NCALD: variants seen among roughly 807,000 people sequenced by gnomAD.
NCALD encodes neurocalcin delta.
Under a neutral mutation model 18.6 loss-of-function variants are expected in NCALD, and 10 were observed. The ratio of observed to expected loss-of-function variants is 0.54; its 90% CI spans 0.33 to 0.91. NCALD has a LOEUF of 0.91. NCALD is among the 40% of genes least tolerant of loss of function. NCALD has a pLI of 0.03. For synonymous variants in NCALD, 88 were observed against 87.4 expected (o/e 1.01, Z -0.04); for missense variants, 184 against 247.6 (o/e 0.74, Z 1.72).
intron 1 of NCALD, among the ~76,000 whole-genome samples, chr8:102,116,367 G>A (rs1260691504): frequency 2.0e-5 from 3 of 152,200 alleles, no homozygotes; most frequent in Non-Finnish European, 4.4e-5. Context: ...CAGAGTCAGA[G>A]AATCCATAGT....
At chr8:101,932,435 A>G (rs1233857692) in intron 2 of NCALD, among the ~76,000 whole-genome samples, 1 of 152,196 alleles carries the variant, frequency 6.6e-6, no homozygotes, top group Non-Finnish European at 1.5e-5. Context: ...AAACTAAGCC[A>G]TCTCCCAATA....
intron 4 of NCALD, among the ~76,000 whole-genome samples, chr8:101,873,953 A>T (rs1481960848): frequency 6.6e-6 from 1 of 152,222 alleles, no homozygotes; most frequent in Non-Finnish European, 1.5e-5. Flanking sequence ...TTCAGTGTGG[A>T]GGCTAAAGCC....
At chr8:101,719,784 G>C (rs915145691) in intron 1 of NCALD, 136 bp from the exon 2 acceptor site, 1 of 778,514 alleles carries the variant, frequency 1.3e-6, no homozygotes, top group Non-Finnish European at 1.9e-6. Context: ...ACACTGTCTA[G>C]GTTTTGCAAC....
rs1430096555 is a variant in NCALD at position 102,060,125 on chromosome 8, CAT to C, written c.-209-39838_-209-39837del. Among the ~76,000 whole-genome samples, 131 of 152,264 alleles carry C rather than the reference CAT, an allele frequency of 8.6e-4. No homozygotes were observed. The South Asian group carries it at 0.016, about 19-fold the overall frequency. ...CCTCCCGAGTAGCTGGAACTACAGG[CAT>C]GTGCCACCATGCCTGGCTAATTTTT... is the stretch of plus-strand genomic sequence containing the variant. On this transcript the variant is annotated intron_variant, in intron 1 of 6. Transcript: ENST00000311028.
chr8:102,101,416 G>A (rs1414199697), intron 1 of NCALD, among the ~76,000 whole-genome samples: 7 of 152,224 alleles, frequency 4.6e-5, no homozygotes, highest in African/African-American at 1.7e-4. Context: ...ACCTGGTTTA[G>A]TGGTGAATTA....
chr8:102,051,557 T>C (rs943843885), intron 1 of NCALD, among the ~76,000 whole-genome samples: 1 of 152,354 alleles, frequency 6.6e-6, no homozygotes, highest in Non-Finnish European at 1.5e-5. Context: ...TGCACAATAA[T>C]TCTTTTCTTT....
Position 101,951,091 on chromosome 8 carries a change from G to A in NCALD, c.-156-35233C>T, listed in dbSNP as rs374311571. On this transcript the variant is annotated intron_variant, in intron 2 of 6. Transcript: ENST00000311028. ...CACGTCTCAGCCAGCCCTCCTTCTGGGAGAATCATTTCCAATGTTGGTCTT... is the reference window on the plus strand; with the variant it reads ...CACGTCTCAGCCAGCCCTCCTTCTGAGAGAATCATTTCCAATGTTGGTCTT... Among the ~76,000 whole-genome samples, 12 of 152,238 alleles carry A rather than the reference G, an allele frequency of 7.9e-5. No homozygotes were observed. In the East Asian group the frequency reaches 1.9e-3, roughly 24 times the overall value.
At chr8:102,099,082 T>G (rs903529910) in intron 1 of NCALD, among the ~76,000 whole-genome samples, 1 of 152,206 alleles carries the variant, frequency 6.6e-6, no homozygotes, top group African/African-American at 2.4e-5. Context: ...GTAGAAAGTG[T>G]GAGAAAGACA....
chr8:101,838,769 A>G (rs1053104570), intron 4 of NCALD, among the ~76,000 whole-genome samples: 2 of 152,222 alleles, frequency 1.3e-5, no homozygotes, highest in African/African-American at 2.4e-5. Context: ...TTAAAGTTGC[A>G]TTGGTTGACA....
intron 2 of NCALD, among the ~76,000 whole-genome samples, chr8:102,014,927 T>A (rs1157819174): frequency 6.6e-6 from 1 of 152,140 alleles, no homozygotes; most frequent in Non-Finnish European, 1.5e-5. Context: ...GACCTGTGAT[T>A]CTCCATTTCT....
chr8:101,720,632 G>T (rs948903227), intron 1 of NCALD, among the ~76,000 whole-genome samples: 1 of 152,034 alleles, frequency 6.6e-6, no homozygotes, highest in African/African-American at 2.4e-5. Context: ...TACTAGGTGG[G>T]GAAATACCTG....
chr8:102,085,332 G>A (rs765385669), intron 1 of NCALD, among the ~76,000 whole-genome samples: 13 of 152,204 alleles, frequency 8.5e-5, no homozygotes, highest in Non-Finnish European at 1.8e-4. Context: ...CCACATCTGG[G>A]AGTTCCCAGT....
chr8:102,027,873 A>G (rs1477102363), intron 1 of NCALD, among the ~76,000 whole-genome samples: 1 of 152,196 alleles, frequency 6.6e-6, no homozygotes, highest in African/African-American at 2.4e-5. Flanking sequence ...AAAAGGTGGG[A>G]AAAGCCCCTG....
chr8:101,742,073 G>A (rs549105723), intron 1 of NCALD, among the ~76,000 whole-genome samples: 106 of 147,126 alleles, frequency 7.2e-4, no homozygotes, highest in Non-Finnish European at 1.4e-3. Flanking sequence ...CCAACATAGC[G>A]AAACTCTGTC....
chr8:102,115,655 G>A (rs796153652), intron 1 of NCALD, among the ~76,000 whole-genome samples: 29 of 152,156 alleles, frequency 1.9e-4, no homozygotes, highest in African/African-American at 6.5e-4. Context: ...AAAGACGTGC[G>A]GATGGGTCAA....
At chr8:101,722,110 T>A (rs1586304856) in intron 1 of NCALD, among the ~76,000 whole-genome samples, 1 of 152,198 alleles carries the variant, frequency 6.6e-6, no homozygotes, top group South Asian at 2.1e-4. Flanking sequence ...ATTGCAGGCA[T>A]GAGCCACCAC....
chr8:101,790,094 T>G (rs1812390942), intron 1 of NCALD, among the ~76,000 whole-genome samples: 2 of 152,186 alleles, frequency 1.3e-5, no homozygotes, highest in Non-Finnish European at 2.9e-5. Flanking sequence ...ATTATGACGA[T>G]TTTTAAAAAT....
intron 1 of NCALD, among the ~76,000 whole-genome samples, chr8:102,050,868 AT>A (rs968695977): frequency 5.4e-4 from 79 of 145,610 alleles, no homozygotes; most frequent in African/African-American, 1.8e-3. Context: ...AATTTAATTA[AT>A]TTTTAATTTA....
chr8:102,106,004 T>A (rs1825433435), intron 1 of NCALD, among the ~76,000 whole-genome samples: 1 of 151,958 alleles, frequency 6.6e-6, no homozygotes, highest in Admixed American at 6.6e-5. Flanking sequence ...TACAAGAACC[T>A]CCGTTACTCA....
Sources: gnomAD v4.1 joint callset for allele counts (sites outside exome capture counted in the v4.1 genomes callset) on GRCh38, gnomAD v4.1.1 for gene constraint, MANE v1.5 for transcripts, NCBI Gene and HGNC (gene_info 2026-07-23, HGNC 2026-07-21) for gene names.